The following PTPRD variants were observed in gnomAD, a reference collection of about 807,000 sequenced individuals.
PTPRD encodes the protein receptor-type tyrosine-protein phosphatase delta.
In PTPRD, 34 loss-of-function variants were observed where a neutral mutation model predicts 214.5. The ratio of observed to expected loss-of-function variants is 0.16; its 90% CI spans 0.12 to 0.21. PTPRD has a LOEUF of 0.21. Among genes scored for constraint, PTPRD ranks in the 10% least tolerant of loss-of-function variants. The pLI, the probability that PTPRD is intolerant of heterozygous loss-of-function variation, is 1.00. For missense variants in PTPRD, 2,545 were observed against 2,398.7 expected, an observed-to-expected ratio of 1.06 and a Z score of -1.27; for synonymous variants, 1,128 against 845.7, an observed-to-expected ratio of 1.33 and a Z score of -5.79.
chr9:8,785,999 A>G (rs1263943817), intron 11 of PTPRD, among the ~76,000 whole-genome samples: 3 of 151,734 alleles, frequency 2.0e-5, no homozygotes, highest in Non-Finnish European at 2.9e-5. Flanking sequence ...GATAACAAAC[A>G]CCAGACAGGC....
At chr9:9,033,618 T>G (rs1166952582) in intron 10 of PTPRD, among the ~76,000 whole-genome samples, 6 of 152,140 alleles carry the variant, frequency 3.9e-5, no homozygotes, top group Non-Finnish European at 7.4e-5. Context: ...TTCCCTTTTT[T>G]GATTGGCTGC....
intron 11 of PTPRD, among the ~76,000 whole-genome samples, chr9:8,869,117 GAAGCA>G (rs2098249703): frequency 6.6e-6 from 1 of 152,092 alleles, no homozygotes; most frequent in Non-Finnish European, 1.5e-5. Context: ...TCCCTCCTTG[GAAGCA>G]AATTGAAACT....
At chr9:9,323,095 T>G (rs972491822) in intron 9 of PTPRD, among the ~76,000 whole-genome samples, 12 of 152,266 alleles carry the variant, frequency 7.9e-5, no homozygotes, top group African/African-American at 2.9e-4. Context: ...CTAGGGCACT[T>G]TACTATGGCC....
At chr9:9,898,983 C>A (rs1011415032) in intron 5 of PTPRD, among the ~76,000 whole-genome samples, 6 of 152,022 alleles carry the variant, frequency 3.9e-5, no homozygotes, top group Non-Finnish European at 8.8e-5. Flanking sequence ...ATCTACATAA[C>A]AAATCCCCAA....
chr9:9,143,574 G>T (rs983927809), intron 10 of PTPRD, among the ~76,000 whole-genome samples: 2 of 152,142 alleles, frequency 1.3e-5, no homozygotes, highest in Admixed American at 1.3e-4. Context: ...AAGACCGAAT[G>T]TTTTCTAATG....
At chr9:9,103,146 TA>T (rs1199308155) in intron 10 of PTPRD, among the ~76,000 whole-genome samples, 1 of 152,222 alleles carries the variant, frequency 6.6e-6, no homozygotes, top group African/African-American at 2.4e-5. Flanking sequence ...TATTCCAAGT[TA>T]TAACTTTTTA....
chr9:9,424,920 A>C (rs2080239719), intron 8 of PTPRD, among the ~76,000 whole-genome samples: 1 of 152,228 alleles, frequency 6.6e-6, no homozygotes, highest in Non-Finnish European at 1.5e-5. Context: ...ATATCAATGC[A>C]CCAATCAAGA....
rs192773886 is a variant in PTPRD at position 9,385,694 on chromosome 9, G to A, written c.-203+11755C>T. On this transcript the variant is annotated intron_variant, in intron 9 of 45. Transcript: ENST00000381196. Reference sequence around the variant, plus strand: ...TGATCATTCTCAGTATGCTGGGTAAGGGAACACCCATTAAACCATGTACTT... The same window carrying A: ...TGATCATTCTCAGTATGCTGGGTAAAGGAACACCCATTAAACCATGTACTT... 5.3e-5 allele frequency among the ~76,000 whole-genome samples: 8 copies of A among 152,220 alleles called. No individual in the cohort carries two copies. The East Asian group carries it at 1.5e-3, about 29-fold the overall frequency.
At chr9:8,793,145 G>A (rs771991507) in intron 11 of PTPRD, among the ~76,000 whole-genome samples, 1 of 152,184 alleles carries the variant, frequency 6.6e-6, no homozygotes, top group African/African-American at 2.4e-5. Context: ...CATATTGTCT[G>A]TAGCCCTGTC....
intron 10 of PTPRD, among the ~76,000 whole-genome samples, chr9:9,181,761 A>G (rs1367697994): frequency 6.6e-6 from 1 of 152,030 alleles, no homozygotes; most frequent in Non-Finnish European, 1.5e-5. Context: ...TCTTGAAGAA[A>G]CAATGTCATT....
chr9:9,684,715 G>A (rs28735662), intron 7 of PTPRD, among the ~76,000 whole-genome samples: 1 of 151,562 alleles, frequency 6.6e-6, no homozygotes, highest in Non-Finnish European at 1.5e-5. Flanking sequence ...GTGTGTATGT[G>A]TGTGTGTGTG....
intron 5 of PTPRD, among the ~76,000 whole-genome samples, chr9:9,849,023 G>C (rs962587684): frequency 1.2e-4 from 18 of 151,638 alleles, no homozygotes; most frequent in Admixed American, 1.2e-3. Flanking sequence ...GAAAAACAGG[G>C]TGTGTCTATG....
intron 3 of PTPRD, among the ~76,000 whole-genome samples, chr9:10,311,321 G>A (rs1181498366): frequency 6.6e-6 from 1 of 151,910 alleles, no homozygotes; most frequent in Admixed American, 6.6e-5. Context: ...AACTAAGGAA[G>A]CTTATAATTA....
intron 14 of PTPRD, among the ~76,000 whole-genome samples, chr9:8,607,569 G>A (rs1474063684): frequency 6.6e-6 from 1 of 152,146 alleles, no homozygotes; most frequent in Non-Finnish European, 1.5e-5. Context: ...CTTGAGCCCG[G>A]GAGGGAGAAG....
chr9:8,873,235 C>A (rs1051469294), intron 11 of PTPRD, among the ~76,000 whole-genome samples: 2 of 152,194 alleles, frequency 1.3e-5, no homozygotes, highest in African/African-American at 4.8e-5. Flanking sequence ...ATGAAGGAAT[C>A]TTTATATACA....
chr9:9,469,561 G>C (rs939901651), intron 8 of PTPRD, among the ~76,000 whole-genome samples: 1 of 152,114 alleles, frequency 6.6e-6, no homozygotes, highest in African/African-American at 2.4e-5. Flanking sequence ...CAATAAAAAA[G>C]ACCACATGAT....
chr9:9,797,739 G>A (rs915008851), intron 5 of PTPRD, among the ~76,000 whole-genome samples: 5 of 125,036 alleles, frequency 4.0e-5, no homozygotes, highest in Middle Eastern at 4.1e-3. Flanking sequence ...CCAGCTACTC[G>A]GGGGGGGCTG....
At chr9:10,273,092 C>T (rs1295675207) in intron 3 of PTPRD, among the ~76,000 whole-genome samples, 1 of 152,176 alleles carries the variant, frequency 6.6e-6, no homozygotes, top group African/African-American at 2.4e-5. Flanking sequence ...ATTTCCAGTT[C>T]TGATATTCAG....
At chr9:10,404,027 A>T (rs533309055) in intron 2 of PTPRD, among the ~76,000 whole-genome samples, 46 of 151,840 alleles carry the variant, frequency 3.0e-4, no homozygotes, top group Admixed American at 2.9e-3. Context: ...TCATGTAGTA[A>T]TGACAAATCC....
Sources: gnomAD v4.1 joint callset for allele counts (sites outside exome capture counted in the v4.1 genomes callset) on GRCh38, gnomAD v4.1.1 for gene constraint, MANE v1.5 for transcripts, NCBI Gene and HGNC (gene_info 2026-07-23, HGNC 2026-07-21) for gene names.